MDFIC: variants seen among roughly 807,000 people sequenced by gnomAD.
MDFIC encodes the protein MyoD family inhibitor domain containing, also known as myoD family inhibitor domain-containing protein.
In MDFIC, 17 loss-of-function variants were observed where a neutral mutation model predicts 23.2. The ratio of observed to expected loss-of-function variants is 0.73; its 90% CI spans 0.50 to 1.10. The LOEUF (loss-of-function observed/expected upper bound fraction) is 1.10, where lower values mean the gene tolerates loss of function less well. Among genes scored for constraint, MDFIC ranks in the 50% least tolerant of loss-of-function variants. The probability of loss-of-function intolerance (pLI) is 0.00; values close to 1 mark genes in which losing one functional copy is unlikely to be tolerated. For synonymous variants in MDFIC, 120 were observed against 115.2 expected (o/e 1.04, Z -0.27); for missense variants, 356 against 316.6 (o/e 1.12, Z -0.95).
intron 2 of MDFIC, among the ~76,000 whole-genome samples, chr7:114,931,334 G>A (rs1302759396): frequency 2.0e-5 from 3 of 152,070 alleles, no homozygotes; most frequent in South Asian, 2.1e-4. Context: ...TCAGATTCAC[G>A]CCCACATGAT....
Position 114,923,099 on chromosome 7 carries a change from C to T in MDFIC, c.66C>T (p.Gly22=). ...GGCCGCAGCGCGTGGCCGAGGCGGG[C>T]GGCGGCCAGCTGGGCTCCACAGCCC... The part of the protein sequence containing the change: ...PVGPQRVAEA[G]GGQLGSTAQG... Residue 22 remains glycine (G), a synonymous_variant, in exon 2 of 5, where the codon GGC becomes GGT. Coordinates refer to ENST00000393486, the MANE Select transcript of MDFIC (RefSeq NM_001166345.3). 2 of 1,446,996 alleles carry T rather than the reference C, an allele frequency of 1.4e-6. No individual in the cohort carries two copies. Among genetic ancestry groups the T allele is most frequent in the South Asian group, 1.3e-5 (1 of 76,704 alleles). The allele number at this position is 1,446,996 out of a possible 1,614,324, so 89.6% of individuals were successfully genotyped here.
At chr7:114,978,838 G>A (rs555599653) in intron 3 of MDFIC, among the ~76,000 whole-genome samples, 3 of 152,116 alleles carry the variant, frequency 2.0e-5, no homozygotes, top group South Asian at 2.1e-4. Context: ...CATAAGTCAC[G>A]TAAGGGTGGG....
intron 2 of MDFIC, among the ~76,000 whole-genome samples, chr7:114,937,706 G>A (rs1012385950): frequency 6.6e-6 from 1 of 152,108 alleles, no homozygotes; most frequent in Admixed American, 6.5e-5. Flanking sequence ...CCCAGTGAGA[G>A]GATTTGTTGC....
At chr7:114,977,638 G>A (rs1377699095) in intron 3 of MDFIC, among the ~76,000 whole-genome samples, 1 of 152,104 alleles carries the variant, frequency 6.6e-6, no homozygotes, top group Non-Finnish European at 1.5e-5. Flanking sequence ...AACTCCATGA[G>A]TGTGACCAGA....
intron 4 of MDFIC, among the ~76,000 whole-genome samples, chr7:115,003,174 C>T (rs1791497344): frequency 6.6e-6 from 1 of 152,110 alleles, no homozygotes; most frequent in Non-Finnish European, 1.5e-5. Flanking sequence ...CCTCTGTCTC[C>T]TCTGCCAGCT....
chr7:114,942,527 T>G, intron 3 of MDFIC, 130 bp downstream of exon 3: 1 of 668,258 alleles, frequency 1.5e-6, no homozygotes, highest in Non-Finnish European at 2.3e-6. Context: ...AGTGGTTTCA[T>G]TTGTATTTTA....
At chr7:114,997,175 G>A (rs1791350074) in intron 4 of MDFIC, among the ~76,000 whole-genome samples, 1 of 152,162 alleles carries the variant, frequency 6.6e-6, no homozygotes, top group East Asian at 1.9e-4. Context: ...ATTGCAAATT[G>A]CAAATCTGGA....
chr7:114,944,299 C>T (rs1792604002), intron 3 of MDFIC, among the ~76,000 whole-genome samples: 1 of 152,168 alleles, frequency 6.6e-6, no homozygotes, highest in Non-Finnish European at 1.5e-5. Flanking sequence ...ACAAAAGATA[C>T]TGGCCAAAGA....
At chr7:114,937,076 G>A (rs1439059364) in intron 2 of MDFIC, among the ~76,000 whole-genome samples, 1 of 151,934 alleles carries the variant, frequency 6.6e-6, no homozygotes. Flanking sequence ...TTGGAGACAA[G>A]TAAAACTACC....
intron 4 of MDFIC, among the ~76,000 whole-genome samples, chr7:114,991,648 T>C (rs1364730208): frequency 1.3e-5 from 2 of 152,348 alleles, no homozygotes; most frequent in Non-Finnish European, 2.9e-5. Context: ...TTGTCAAAGA[T>C]CACATGGTTG....
intron 3 of MDFIC, among the ~76,000 whole-genome samples, chr7:114,962,363 G>C (rs549767111): frequency 1.3e-5 from 2 of 152,312 alleles, no homozygotes; most frequent in South Asian, 4.1e-4. Flanking sequence ...CATGATATGG[G>C]ATTTGAAAGG....
rs574163801 is a variant in MDFIC, at chr7:114,992,344, T to C, written c.493+12563T>C. Reference sequence around the variant, plus strand: ...TTCCTAGTTGAATACCCTTTATTTCTTTCTCCTGCCTGATTGCCCTGGCCA... The same window carrying C: ...TTCCTAGTTGAATACCCTTTATTTCCTTCTCCTGCCTGATTGCCCTGGCCA... On this transcript the variant is annotated intron_variant, in intron 4 of 4. Transcript: ENST00000393486. 1.0e-3 allele frequency among the ~76,000 whole-genome samples: 151 copies of C among 150,312 alleles called. 7 individuals carry two copies. The South Asian group carries it at 0.03, about 30-fold the overall frequency.
At chr7:115,012,746 G>A (rs534289864) in intron 4 of MDFIC, among the ~76,000 whole-genome samples, 13 of 152,248 alleles carry the variant, frequency 8.5e-5, no homozygotes, top group Admixed American at 7.2e-4. Flanking sequence ...GGGAGGCCAA[G>A]GCAGGTGGGT....
intron 4 of MDFIC, among the ~76,000 whole-genome samples, chr7:115,007,323 A>G (rs988175723): frequency 6.6e-6 from 1 of 152,178 alleles, no homozygotes; most frequent in African/African-American, 2.4e-5. Context: ...TTAAGTACTT[A>G]ATGTGCATTA....
At chr7:115,008,369 T>A (rs1212510287) in intron 4 of MDFIC, among the ~76,000 whole-genome samples, 1 of 152,040 alleles carries the variant, frequency 6.6e-6, no homozygotes, top group Non-Finnish European at 1.5e-5. Flanking sequence ...ATTGTTCAAT[T>A]TCCCAAAGTA....
chr7:114,966,965 A>G (rs1012839772), intron 3 of MDFIC, among the ~76,000 whole-genome samples: 1 of 152,182 alleles, frequency 6.6e-6, no homozygotes, highest in Non-Finnish European at 1.5e-5. Flanking sequence ...AAAAAGGCGT[A>G]TTGGATTTTT....
chr7:114,987,585 GCT>G (rs1793536018), intron 4 of MDFIC, among the ~76,000 whole-genome samples: 1 of 152,122 alleles, frequency 6.6e-6, no homozygotes, highest in South Asian at 2.1e-4. Flanking sequence ...TTAGAATTCT[GCT>G]TTCCAATGCA....
chr7:114,925,223 C>T (rs1448943371), intron 2 of MDFIC, among the ~76,000 whole-genome samples: 2 of 152,126 alleles, frequency 1.3e-5, no homozygotes, highest in African/African-American at 4.8e-5. Flanking sequence ...AATGACATTA[C>T]AAGCTCTACA....
intron 2 of MDFIC, among the ~76,000 whole-genome samples, chr7:114,934,988 G>C (rs1336716639): frequency 6.6e-6 from 1 of 152,074 alleles, no homozygotes; most frequent in Non-Finnish European, 1.5e-5. Context: ...CTTCCTGAAA[G>C]CTGCCTTATC....
Sources: gnomAD v4.1 joint callset for allele counts (sites outside exome capture counted in the v4.1 genomes callset) on GRCh38, gnomAD v4.1.1 for gene constraint, MANE v1.5 for transcripts, NCBI Gene and HGNC (gene_info 2026-07-23, HGNC 2026-07-21) for gene names.